The following USP39 variants were observed in gnomAD, a reference collection of about 807,000 sequenced individuals.
USP39 encodes ubiquitin specific peptidase 39.
In USP39, 38 loss-of-function variants were observed where a neutral mutation model predicts 66.4. The ratio of observed to expected loss-of-function variants is 0.57; its 90% CI spans 0.44 to 0.75. USP39 has a LOEUF of 0.75. Among genes scored for constraint, USP39 ranks in the 30% least tolerant of loss-of-function variants. The probability of loss-of-function intolerance (pLI) is 0.00; values close to 1 mark genes in which losing one functional copy is unlikely to be tolerated. For synonymous variants in USP39, 303 were observed against 274.6 expected (o/e 1.10, Z -1.02); for missense variants, 608 against 714.4 (o/e 0.85, Z 1.70).
At chr2:85,631,153 T>G (rs1252289841) in intron 6 of USP39, among the ~76,000 whole-genome samples, 1 of 152,044 alleles carries the variant, frequency 6.6e-6, no homozygotes, top group Non-Finnish European at 1.5e-5. Flanking sequence ...TAGCTGGGAC[T>G]ATAGGCACGC....
At chr2:85,608,601 T>C (rs1341705937), upstream of USP39, 1 of 191,484 alleles carries the variant, frequency 5.2e-6, no homozygotes, top group Admixed American at 6.5e-5. Flanking sequence ...CAGCCAGGCA[T>C]ATGACCTCGG....
At chr2:85,608,098 G>A (rs1468171495), upstream of USP39, 1 of 152,232 alleles carries the variant, frequency 6.6e-6, no homozygotes, top group Non-Finnish European at 1.5e-5. Flanking sequence ...AGTCTGAGCA[G>A]AGGACAGTCT....
upstream of USP39, among the ~76,000 whole-genome samples, chr2:85,609,767 C>T (rs188990834): frequency 1.5e-4 from 23 of 150,940 alleles, no homozygotes; most frequent in East Asian, 3.9e-3. Context: ...CTGCAACTTC[C>T]GCTCCCAGGT....
upstream of USP39, chr2:85,616,176 C>T (rs1229399174): frequency 2.1e-6 from 3 of 1,402,132 alleles, no homozygotes; most frequent in Middle Eastern, 2.5e-4. Flanking sequence ...CTGCGCTGGA[C>T]GACTCGGCCG....
At chr2:85,625,395 T>G (rs1483172302) in intron 4 of USP39, 144 bp from the exon 5 acceptor site, 1 of 1,003,298 alleles carries the variant, frequency 1.0e-6, no homozygotes, top group Non-Finnish European at 1.5e-6. Context: ...ACTTCAATCT[T>G]TACACCTACT....
chr2:85,617,053 G>A lies in USP39; in HGVS notation c.268+590G>A, dbSNP rs113278010. 1.1e-3 allele frequency among the ~76,000 whole-genome samples: 165 copies of A among 151,506 alleles called. 1 individual carries two copies. Among genetic ancestry groups the A allele is most frequent in the African/African-American group, 3.4e-3 (142 of 41,234 alleles). Reference sequence around the variant, plus strand: ...AGCAGCTTCCCTTTATCGAATGCCCGATGTGGGGGCTCAGTGCTGATTTTA... The same window carrying A: ...AGCAGCTTCCCTTTATCGAATGCCCAATGTGGGGGCTCAGTGCTGATTTTA... On this transcript the variant is annotated intron_variant, in intron 1 of 12. Transcript: ENST00000323701.
intron 3 of USP39, among the ~76,000 whole-genome samples, chr2:85,623,431 GC>G (rs1468626795): frequency 6.6e-6 from 1 of 151,302 alleles, no homozygotes; most frequent in Non-Finnish European, 1.5e-5. Flanking sequence ...AATGTCTTAG[GC>G]CATTTAGAGA....
Position 85,630,831 on chromosome 2 carries a change from A to G in USP39, c.834A>G (p.Gly278=). The change falls in exon 6 of 13, where the codon GGA becomes GGG. Residue 278 remains glycine, a synonymous_variant. Transcript: ENST00000323701. The part of the protein sequence containing the change: ...DIMFLLVQRF[G]ELMRKLWNPR... Reference sequence around the variant, plus strand: ...TGTTCTTGTTGGTCCAGCGTTTTGGAGAGCTGATGAGAAAGCTCTGGAACC... The same window carrying G: ...TGTTCTTGTTGGTCCAGCGTTTTGGGGAGCTGATGAGAAAGCTCTGGAACC... The G allele has an allele frequency of 6.2e-7, 1 of 1,614,182 alleles. No individual in the cohort carries two copies. Among genetic ancestry groups the G allele is most frequent in the Non-Finnish European group, 8.5e-7 (1 of 1,180,042 alleles).
chr2:85,607,385 A>G (rs1239019522), upstream of USP39: 2 of 152,186 alleles, frequency 1.3e-5, no homozygotes, highest in Non-Finnish European at 2.9e-5. Context: ...CCAGCTGCCT[A>G]AGTAGAGGAC....
chr2:85,603,381 C>G (rs1673078916), intron 1 of USP39, among the ~76,000 whole-genome samples: 1 of 152,132 alleles, frequency 6.6e-6, no homozygotes, highest in South Asian at 2.1e-4. Context: ...CAGAGGACAT[C>G]CATTCTAAAT....
At chr2:85,635,415 C>T (rs2104318137) in intron 6 of USP39, among the ~76,000 whole-genome samples, 1 of 152,246 alleles carries the variant, frequency 6.6e-6, no homozygotes, top group East Asian at 1.9e-4. Flanking sequence ...CAAAAATTAG[C>T]TGGGCATGGT....
At chr2:85,636,759 C>T (rs1007842693) in intron 7 of USP39, among the ~76,000 whole-genome samples, 1 of 152,114 alleles carries the variant, frequency 6.6e-6, no homozygotes, top group African/African-American at 2.4e-5. Context: ...GCCCAAAGTG[C>T]TAGGATTATA....
chr2:85,610,632 A>G (rs1444353304), upstream of USP39: 1 of 152,050 alleles, frequency 6.6e-6, no homozygotes. Flanking sequence ...ACTTTCACTA[A>G]TGCCTAACAA....
intron 10 of USP39, among the ~76,000 whole-genome samples, chr2:85,641,926 A>AG (rs1211727341): frequency 9.0e-4 from 101 of 112,362 alleles, no homozygotes; most frequent in Non-Finnish European, 1.4e-3. Context: ...AAAAAAAAAA[A>AG]AAAGAAAGAA....
chr2:85,626,158 G>A (rs1277370812), intron 5 of USP39, among the ~76,000 whole-genome samples: 5 of 151,942 alleles, frequency 3.3e-5, no homozygotes, highest in East Asian at 1.9e-4. Context: ...TCAGGAGTTC[G>A]AGACTAGCTT....
chr2:85,643,293 A>T (rs540258557), intron 10 of USP39, among the ~76,000 whole-genome samples: 51 of 152,146 alleles, frequency 3.4e-4, no homozygotes, highest in Non-Finnish European at 6.0e-4. Flanking sequence ...GATCGAGACC[A>T]TCCTGGCTAA....
intron 6 of USP39, among the ~76,000 whole-genome samples, chr2:85,635,248 T>A (rs1675668735): frequency 6.6e-6 from 1 of 152,154 alleles, no homozygotes; most frequent in African/African-American, 2.4e-5. Flanking sequence ...TAGAAGCAAA[T>A]CTTCGTTGAA....
intron 1 of USP39, among the ~76,000 whole-genome samples, chr2:85,616,714 G>A (rs1340998129): frequency 1.5e-5 from 2 of 133,582 alleles, no homozygotes; most frequent in Non-Finnish European, 3.1e-5. Context: ...GTCTCATTCT[G>A]TCACCCAGGA....
upstream of USP39, chr2:85,609,301 C>T: frequency 7.4e-7 from 1 of 1,355,442 alleles, no homozygotes; most frequent in Non-Finnish European, 1.0e-6. Context: ...AAAGCACTGC[C>T]CGGCAGGCCT....
Sources: gnomAD v4.1 joint callset for allele counts (sites outside exome capture counted in the v4.1 genomes callset) on GRCh38, gnomAD v4.1.1 for gene constraint, MANE v1.5 for transcripts, NCBI Gene and HGNC (gene_info 2026-07-23, HGNC 2026-07-21) for gene names.